FERRY3: variants seen among roughly 807,000 people sequenced by gnomAD.
FERRY3 encodes the protein protein C12orf4.
At chr12:4,519,733 T>C in the FERRY3 span, among the ~76,000 whole-genome samples, 16,007 of 152,244 alleles carry the variant, frequency 0.11, 953 homozygotes, top group Non-Finnish European at 0.12. The surrounding 1 kb of genome is among the most constrained non-coding windows in gnomAD (Gnocchi z 4.3). Context: ...CATTACCACC[T>C]GAGCTCCACC....
chr12:4,494,334 A>T, the FERRY3 span, among the ~76,000 whole-genome samples: 1 of 152,136 alleles, frequency 6.6e-6, no homozygotes, highest in Non-Finnish European at 1.5e-5. Context: ...AAAGTTTTGA[A>T]TTTTAAAATA....
the FERRY3 span, among the ~76,000 whole-genome samples, chr12:4,536,575 C>G: frequency 6.6e-6 from 1 of 152,012 alleles, no homozygotes; most frequent in East Asian, 1.9e-4. Flanking sequence ...CTTAAGAAAC[C>G]GTTGGTAAAA....
the FERRY3 span, among the ~76,000 whole-genome samples, chr12:4,528,896 TACACACACACACACACACACACAC>T: frequency 3.6e-4 from 47 of 131,616 alleles, no homozygotes; most frequent in South Asian, 3.7e-3. Flanking sequence ...TTAAATCAGT[TACACACACACACACACACACACAC>T]ACACACACAC....
the FERRY3 span, among the ~76,000 whole-genome samples, chr12:4,530,895 C>T: frequency 6.6e-6 from 1 of 151,886 alleles, no homozygotes; most frequent in Non-Finnish European, 1.5e-5. Context: ...GATCATATGA[C>T]TTAATGGCAT....
the FERRY3 span, chr12:4,530,102 AAC>A: frequency 6.6e-7 from 1 of 1,512,862 alleles, no homozygotes; most frequent in Non-Finnish European, 9.0e-7. Flanking sequence ...ATTTTTATTT[AAC>A]ACACTACTAG....
At chr12:4,527,201 A>G in the FERRY3 span, among the ~76,000 whole-genome samples, 5 of 152,192 alleles carry the variant, frequency 3.3e-5, no homozygotes, top group African/African-American at 4.8e-5. Context: ...GTTTAAAGAA[A>G]TATCTAGAAT....
chr12:4,529,792 TAAA>T, the FERRY3 span: 1 of 1,242,648 alleles, frequency 8.0e-7, no homozygotes, highest in Non-Finnish European at 1.1e-6. Flanking sequence ...TTGTAAAAAA[TAAA>T]AACAAGTTGT....
chr12:4,518,712 A>T, the FERRY3 span: 1 of 966,852 alleles, frequency 1.0e-6, no homozygotes, highest in Non-Finnish European at 1.5e-6. Context: ...AAAAAATAAT[A>T]ATTAAAAAAT....
At chr12:4,537,619 G>A in the FERRY3 span, among the ~76,000 whole-genome samples, 1 of 152,214 alleles carries the variant, frequency 6.6e-6, no homozygotes, top group Admixed American at 6.5e-5. Flanking sequence ...GTGGGGCGGG[G>A]CTAAGTTGAA....
chr12:4,499,592 T>C, the FERRY3 span, among the ~76,000 whole-genome samples: 1 of 152,246 alleles, frequency 6.6e-6, no homozygotes, highest in Non-Finnish European at 1.5e-5. Context: ...AGAATGATCA[T>C]GCTACATCCT....
At chr12:4,532,085 A>ATT in the FERRY3 span, among the ~76,000 whole-genome samples, 1,324 of 135,502 alleles carry the variant, frequency 9.8e-3, 22 homozygotes, top group African/African-American at 0.029. Flanking sequence ...TAAATTGTGA[A>ATT]TTTTTTTTTT....
the FERRY3 span, among the ~76,000 whole-genome samples, chr12:4,526,567 C>T: frequency 6.6e-6 from 1 of 152,010 alleles, no homozygotes; most frequent in African/African-American, 2.4e-5. Flanking sequence ...TTTGGCCAGG[C>T]GCGATGGCTC....
chr12:4,525,494 T>G, the FERRY3 span: 1 of 1,611,734 alleles, frequency 6.2e-7, no homozygotes. Flanking sequence ...TTGCTGGGAT[T>G]CAAAATGCTG....
At chr12:4,509,292 C>A in the FERRY3 span, 1,111 of 164,976 alleles carry the variant, frequency 6.7e-3, 11 homozygotes, top group African/African-American at 0.029. Context: ...GTCTGAGATC[C>A]AACTGCAAGG....
chr12:4,492,915 A>C, the FERRY3 span, among the ~76,000 whole-genome samples: 1 of 152,152 alleles, frequency 6.6e-6, no homozygotes, highest in Non-Finnish European at 1.5e-5. Context: ...GTGACTTTTA[A>C]ATTTTTAAAA....
chr12:4,526,825 G>C, the FERRY3 span, among the ~76,000 whole-genome samples: 1 of 145,978 alleles, frequency 6.9e-6, no homozygotes, highest in Non-Finnish European at 1.5e-5. Flanking sequence ...CTGGGCAACA[G>C]AGCAAGACTC....
the FERRY3 span, among the ~76,000 whole-genome samples, chr12:4,515,667 A>G: frequency 6.6e-6 from 1 of 152,082 alleles, no homozygotes. Context: ...GGAAATGGGG[A>G]GATTTTGGTC....
At chr12:4,491,220 G>A in the FERRY3 span, 1 of 1,612,876 alleles carries the variant, frequency 6.2e-7, no homozygotes, top group Non-Finnish European at 8.5e-7. Context: ...TTAAGCACCA[G>A]GGTATAGTCA....
the FERRY3 span, among the ~76,000 whole-genome samples, chr12:4,532,337 G>A: frequency 4.6e-5 from 7 of 152,022 alleles, no homozygotes; most frequent in South Asian, 2.1e-4. Flanking sequence ...CAGCATAAAC[G>A]CTGTCCTATA....
Sources: allele counts gnomAD v4.1 joint callset (sites outside exome capture counted in the v4.1 genomes callset), GRCh38; gene constraint gnomAD v4.1.1; non-coding constraint Gnocchi (gnomAD v3.1); transcripts MANE v1.5; gene names NCBI Gene and HGNC (gene_info 2026-07-23, HGNC 2026-07-21).